Variants in TMEM51 observed in about 807,000 individuals in gnomAD.
TMEM51 encodes the protein chromosome 1 open reading frame 72.
TMEM51 carries 8 observed loss-of-function variants against 13.6 expected under a neutral mutation model. That is an observed-to-expected ratio of 0.59 (90% CI 0.35 to 1.07). The LOEUF (loss-of-function observed/expected upper bound fraction) is 1.07. Among genes scored for constraint, TMEM51 ranks in the 50% least tolerant of loss-of-function variants. TMEM51 has a pLI of 0.02. For synonymous variants in TMEM51, 147 were observed against 144.4 expected, an observed-to-expected ratio of 1.02 and a Z score of -0.13; for missense variants, 279 against 330.7, an observed-to-expected ratio of 0.84 and a Z score of 1.21.
intron 1 of TMEM51, among the ~76,000 whole-genome samples, chr1:15,170,746 T>C (rs1643234689): frequency 6.6e-6 from 1 of 152,228 alleles, no homozygotes; most frequent in East Asian, 1.9e-4. Context: ...TTTCTTTTTT[T>C]GAGACGGAGT....
chr1:15,182,746 G>A (rs1643660056), intron 1 of TMEM51, among the ~76,000 whole-genome samples: 1 of 152,148 alleles, frequency 6.6e-6, no homozygotes, highest in Admixed American at 6.5e-5. Context: ...GCCTGACAGA[G>A]GACACAGAAA....
chr1:15,178,675 T>C (rs1406546707), intron 1 of TMEM51, among the ~76,000 whole-genome samples: 1 of 152,154 alleles, frequency 6.6e-6, no homozygotes, highest in African/African-American at 2.4e-5. Context: ...GATGAGGACA[T>C]TGAGGCTCAG....
intron 1 of TMEM51, chr1:15,164,503 T>A: frequency 6.6e-6 from 3 of 456,016 alleles, no homozygotes; most frequent in South Asian, 4.6e-5. Flanking sequence ...CATGTTAGGA[T>A]GGAGATAATA....
intron 3 of TMEM51, among the ~76,000 whole-genome samples, chr1:15,217,753 A>G (rs1293439055): frequency 6.6e-6 from 1 of 152,108 alleles, no homozygotes; most frequent in Non-Finnish European, 1.5e-5. Flanking sequence ...GGGTCTATCT[A>G]GGGCCTCCAT....
chr1:15,172,582 T>C (rs1643321690), intron 1 of TMEM51, among the ~76,000 whole-genome samples: 2 of 152,112 alleles, frequency 1.3e-5, no homozygotes, highest in African/African-American at 4.8e-5. Context: ...GAATTCTGGT[T>C]CCACCACGTG....
chr1:15,158,286 C>A lies in TMEM51; in HGVS notation c.-267+4332C>A, dbSNP rs79134269. ...GTTTCCAATTCACCACTGTGGGAGT[C>A]CAGAGGGCCGTTTTTCTGCATCACC... On this transcript the variant is annotated intron_variant, in intron 1 of 3. Transcript: ENST00000376008. 4.0e-3 allele frequency among the ~76,000 whole-genome samples: 603 copies of A among 152,248 alleles called. 3 individuals are homozygous for A. The highest frequency in any genetic ancestry group is 0.014 in the African/African-American group (586 of 41,538).
In TMEM51 at chr1:15,189,213, C is replaced by CTTTTTTTTTTTTTTTTTTT. The variant is rs59346950; in HGVS notation, c.-266-21273_-266-21255dup. ...CTTCACCACACCCAGCTAATTTTTC[C>CTTTTTTTTTTTTTTTTTTT]TTTTTTTTTTTTTTTTTTTTTTAGT... On this transcript the variant is annotated intron_variant, in intron 1 of 3. Transcript: ENST00000376008. Among the ~76,000 whole-genome samples, 96 of 92,840 alleles carry CTTTTTTTTTTTTTTTTTTT rather than the reference C, an allele frequency of 1.0e-3. 4 individuals carry two copies. The highest frequency in any genetic ancestry group is 2.6e-3 in the African/African-American group (62 of 23,446). 60.9% of individuals were successfully genotyped at this position (92,840 alleles called of 152,430 possible).
At chr1:15,202,340 C>T (rs891029325) in intron 1 of TMEM51, among the ~76,000 whole-genome samples, 8 of 152,188 alleles carry the variant, frequency 5.3e-5, no homozygotes, top group East Asian at 1.9e-4. Flanking sequence ...CAGGTGTGAA[C>T]GGGAATGCCA....
At chr1:15,180,374 G>A (rs745587093) in intron 1 of TMEM51, among the ~76,000 whole-genome samples, 3 of 152,202 alleles carry the variant, frequency 2.0e-5, no homozygotes, top group East Asian at 1.9e-4. Context: ...CACAGGGCCC[G>A]CTGTGCTGGG....
chr1:15,171,312 T>C (rs1643264541), intron 1 of TMEM51: 1 of 1,304,186 alleles, frequency 7.7e-7, no homozygotes, highest in Non-Finnish European at 1.0e-6. Flanking sequence ...CAAACTTCTA[T>C]GACCTATGAG....
At chr1:15,190,880 C>T (rs1002857092) in intron 1 of TMEM51, among the ~76,000 whole-genome samples, 8 of 152,094 alleles carry the variant, frequency 5.3e-5, no homozygotes, top group African/African-American at 9.7e-5. Context: ...CTCCACCTCC[C>T]GGGTTCAAGC....
intron 1 of TMEM51, among the ~76,000 whole-genome samples, chr1:15,178,840 G>A (rs921322409): frequency 1.3e-5 from 2 of 152,212 alleles, no homozygotes; most frequent in African/African-American, 2.4e-5. Flanking sequence ...AGAATGGTGC[G>A]ATTTAGCAGT....
intron 1 of TMEM51, among the ~76,000 whole-genome samples, chr1:15,169,384 CT>C (rs199641842): frequency 0.11 from 16,249 of 148,348 alleles, 1,108 homozygotes; most frequent in South Asian, 0.22. Flanking sequence ...ATCTGAGAGA[CT>C]TTTTTTTTTT....
chr1:15,170,573 G>A (rs1643225646), intron 1 of TMEM51, among the ~76,000 whole-genome samples: 1 of 152,054 alleles, frequency 6.6e-6, no homozygotes, highest in Non-Finnish European at 1.5e-5. Flanking sequence ...GGCTCCCAAA[G>A]TGCTGGGATT....
chr1:15,186,962 C>T (rs1329099273), intron 1 of TMEM51, among the ~76,000 whole-genome samples: 2 of 152,194 alleles, frequency 1.3e-5, no homozygotes, highest in South Asian at 2.1e-4. Context: ...GGGGAAACCA[C>T]TGGGAGGAAT....
chr1:15,181,046 G>A lies in TMEM51; in HGVS notation c.-267+27092G>A, dbSNP rs115292359. Among the ~76,000 whole-genome samples the A allele has an allele frequency of 4.2e-3, 647 of 152,244 alleles. 3 individuals are homozygous for A. Among genetic ancestry groups the A allele is most frequent in the African/African-American group, 0.015 (611 of 41,536 alleles). The stretch of plus-strand genomic sequence containing the variant: ...TGGCTGAGTGAGAGCCTGTCCTTCC[G>A]GAAGGCTGTGTGCACTGGTTCCAAG... On this transcript the variant is annotated intron_variant, in intron 1 of 3. Coordinates refer to ENST00000376008, the MANE Select transcript of TMEM51 (RefSeq NM_001136218.2).
intron 1 of TMEM51, among the ~76,000 whole-genome samples, chr1:15,189,290 A>G (rs1486233891): frequency 2.1e-5 from 3 of 143,210 alleles, no homozygotes; most frequent in African/African-American, 7.9e-5. Flanking sequence ...TCCTGACCTC[A>G]GGTGATCCAC....
At chr1:15,181,934 G>T (rs966140586) in intron 1 of TMEM51, among the ~76,000 whole-genome samples, 2 of 152,132 alleles carry the variant, frequency 1.3e-5, no homozygotes, top group East Asian at 3.9e-4. Context: ...GCCAAAGTGG[G>T]TGGATTATCT....
At chr1:15,175,105 A>C (rs1643415045) in intron 1 of TMEM51, among the ~76,000 whole-genome samples, 1 of 152,128 alleles carries the variant, frequency 6.6e-6, no homozygotes, top group Non-Finnish European at 1.5e-5. Context: ...TTTGACTCTA[A>C]ACTAGGGCCG....
Sources: gnomAD v4.1 joint callset for allele counts (sites outside exome capture counted in the v4.1 genomes callset) on GRCh38, gnomAD v4.1.1 for gene constraint, MANE v1.5 for transcripts, NCBI Gene and HGNC (gene_info 2026-07-23, HGNC 2026-07-21) for gene names.